The following TMEM233 variants were observed in gnomAD, a reference collection of about 807,000 sequenced individuals.
TMEM233 encodes transmembrane protein 233.
A neutral mutation model predicts 11.2 loss-of-function variants in TMEM233; 6 were observed. That is an observed-to-expected ratio of 0.54 (90% CI 0.29 to 1.06). The LOEUF is 1.06. Ranked by LOEUF, TMEM233 falls within the 50% of genes least tolerant of loss-of-function variation. The pLI is 0.08. For missense variants in TMEM233, 127 were observed against 144.7 expected, an observed-to-expected ratio of 0.88 and a Z score of 0.63; for synonymous variants, 59 against 55.8, an observed-to-expected ratio of 1.06 and a Z score of -0.26.
intron 1 of TMEM233, among the ~76,000 whole-genome samples, chr12:119,612,071 G>A (rs570595670): frequency 6.6e-6 from 1 of 151,774 alleles, no homozygotes; most frequent in African/African-American, 2.4e-5. Flanking sequence ...TCAGCTCACT[G>A]CAACCTCCGC....
intron 1 of TMEM233, among the ~76,000 whole-genome samples, chr12:119,615,510 A>C (rs529665189): frequency 1.6e-4 from 25 of 152,320 alleles, no homozygotes; most frequent in Non-Finnish European, 2.9e-5. Flanking sequence ...TTTGGGAAGG[A>C]ACTTGGGTAT....
At chr12:119,614,782 C>A (rs551750460) in intron 1 of TMEM233, among the ~76,000 whole-genome samples, 1 of 152,222 alleles carries the variant, frequency 6.6e-6, no homozygotes, top group Admixed American at 6.5e-5. Flanking sequence ...TTACTTCTAT[C>A]CCCATGGGGG....
intron 1 of TMEM233, among the ~76,000 whole-genome samples, chr12:119,596,033 C>A (rs926047565): frequency 3.3e-5 from 5 of 152,164 alleles, no homozygotes; most frequent in East Asian, 1.9e-4. Flanking sequence ...GAATCATTAA[C>A]CTTTTTTTCC....
chr12:119,624,137 G>A (rs1954703842), intron 1 of TMEM233, among the ~76,000 whole-genome samples: 1 of 151,836 alleles, frequency 6.6e-6, no homozygotes, highest in South Asian at 2.1e-4. Context: ...ATTGCTTGAG[G>A]TCAGGAGTTT....
chr12:119,630,007 T>C, intron 2 of TMEM233, 135 bp downstream of exon 2: 1 of 1,088,846 alleles, frequency 9.2e-7, no homozygotes, highest in Non-Finnish European at 1.3e-6. Context: ...CTTCTCAGAA[T>C]AAATTTGTCC....
downstream of TMEM233, among the ~76,000 whole-genome samples, chr12:119,643,510 T>G (rs558726306): frequency 6.6e-6 from 1 of 152,358 alleles, no homozygotes. Flanking sequence ...GGCTCACGCC[T>G]GTAATCCCAG....
chr12:119,602,097 G>T (rs998686300), intron 1 of TMEM233, among the ~76,000 whole-genome samples: 8 of 152,192 alleles, frequency 5.3e-5, no homozygotes, highest in Admixed American at 1.3e-4. Flanking sequence ...GGATGATAAG[G>T]TCAGTGGTCA....
chr12:119,600,921 A>C (rs1269024478), intron 1 of TMEM233, among the ~76,000 whole-genome samples: 1 of 152,192 alleles, frequency 6.6e-6, no homozygotes, highest in Non-Finnish European at 1.5e-5. Context: ...GTATACTTAA[A>C]AATAGTTAAA....
At chr12:119,646,291 T>G (rs953172985), downstream of TMEM233, among the ~76,000 whole-genome samples, 6 of 152,292 alleles carry the variant, frequency 3.9e-5, no homozygotes, top group African/African-American at 1.4e-4. Context: ...ACTCCTGGCC[T>G]CAAGTGATCC....
chr12:119,612,620 C>T (rs1202701220), intron 1 of TMEM233, among the ~76,000 whole-genome samples: 12 of 151,482 alleles, frequency 7.9e-5, no homozygotes, highest in Admixed American at 2.6e-4. Context: ...GGCGTGGTGG[C>T]GGGCACCTGT....
At chr12:119,643,645 G>C (rs1053296961), downstream of TMEM233, among the ~76,000 whole-genome samples, 1 of 152,118 alleles carries the variant, frequency 6.6e-6, no homozygotes, top group African/African-American at 2.4e-5. Context: ...GCGGGCGCCT[G>C]TAGTCCCAGC....
At chr12:119,649,888 T>A in the TMEM233 span, among the ~76,000 whole-genome samples, 19 of 145,112 alleles carry the variant, frequency 1.3e-4, 1 homozygote, top group African/African-American at 4.6e-4. Flanking sequence ...GCCGGGCGCG[T>A]TGGCTCACGC....
intron 1 of TMEM233, among the ~76,000 whole-genome samples, chr12:119,611,907 T>A (rs561835799): frequency 6.6e-6 from 1 of 152,270 alleles, no homozygotes; most frequent in South Asian, 2.1e-4. Context: ...CAACCTCTCT[T>A]TCAGTTTTCA....
At chr12:119,610,822 C>T (rs1429232097) in intron 1 of TMEM233, among the ~76,000 whole-genome samples, 3 of 152,076 alleles carry the variant, frequency 2.0e-5, no homozygotes, top group Non-Finnish European at 4.4e-5. Context: ...TTAATACAAC[C>T]CATTTGCAGT....
chr12:119,631,428 G>A (rs1187921926), intron 2 of TMEM233: 1 of 843,214 alleles, frequency 1.2e-6, no homozygotes, highest in Admixed American at 6.2e-5. Flanking sequence ...TGGCAGCTGG[G>A]TAGAGGGGAA....
At position 119,593,917 on chromosome 12, in the gene TMEM233, AGAT is replaced by A; in HGVS notation, c.72_74del (p.Asp25del). On this transcript the variant is annotated inframe_deletion, in exon 1 of 3. Transcript: ENST00000426426. The surrounding 1 kb of genome is among the most constrained non-coding windows in gnomAD (Gnocchi z 4.1). Reference sequence around the variant, plus strand: ...ACAGCAGTCCCGAGGCCAACACTGAAGATGACAAGACCGAGGAGGACGTGCCCA... The same window carrying A: ...ACAGCAGTCCCGAGGCCAACACTGAAGACAAGACCGAGGAGGACGTGCCCA... 6.4e-7 allele frequency: 1 copy of A among 1,551,754 alleles called. No homozygotes were observed. The highest frequency in any genetic ancestry group is 2.4e-5 in the East Asian group (1 of 40,922).
chr12:119,624,929 G>C (rs779951269), intron 1 of TMEM233, among the ~76,000 whole-genome samples: 14 of 152,148 alleles, frequency 9.2e-5, no homozygotes, highest in African/African-American at 1.4e-4. Flanking sequence ...CTCCATGATA[G>C]AGCCTGGTTC....
At chr12:119,607,696 C>T (rs1954311066) in intron 1 of TMEM233, among the ~76,000 whole-genome samples, 1 of 151,738 alleles carries the variant, frequency 6.6e-6, no homozygotes, top group African/African-American at 2.4e-5. Context: ...GCAGCCCCCA[C>T]CTCCCGGGCC....
Position 119,641,909 on chromosome 12 carries a change from G to T in TMEM233, c.*1204G>T, listed in dbSNP as rs940902788. On this transcript the variant is annotated 3_prime_UTR_variant, in exon 3 of 3. Transcript: ENST00000426426. ...TCCCTTTTTAGCAAAGAAAGAGCAG[G>T]CCTCAGAGTCTTCTGTCTAGATAGA... 1.3e-5 allele frequency: 2 copies of T among 152,132 alleles called. No homozygotes were observed. The highest frequency in any genetic ancestry group is 4.8e-5 in the African/African-American group (2 of 41,434). 9.4% of individuals were successfully genotyped at this position (152,132 alleles called of 1,614,324 possible). A position where few individuals can be genotyped will look rare whatever the true frequency, so the allele number is the denominator to read the frequency against.
Sources: allele counts gnomAD v4.1 joint callset (sites outside exome capture counted in the v4.1 genomes callset), GRCh38; gene constraint gnomAD v4.1.1; non-coding constraint Gnocchi (gnomAD v3.1); transcripts MANE v1.5; gene names NCBI Gene and HGNC (gene_info 2026-07-23, HGNC 2026-07-21).